NPHP4: variants seen among roughly 807,000 people sequenced by gnomAD.
The protein encoded by NPHP4 is nephrocystin-4.
Under a neutral mutation model 155.8 loss-of-function variants are expected in NPHP4, and 151 were observed. The observed-to-expected ratio is 0.97, with a 90% CI of 0.85 to 1.11. The LOEUF (loss-of-function observed/expected upper bound fraction) is 1.11, where lower values mean the gene tolerates loss of function less well. Ranked by LOEUF, NPHP4 falls within the 50% of genes least tolerant of loss-of-function variation. NPHP4 has a pLI of 0.00. For synonymous variants in NPHP4, 845 were observed against 816.8 expected (o/e 1.03, Z -0.59); for missense variants, 1,956 against 1,925.7 (o/e 1.02, Z -0.29).
intron 9 of NPHP4, among the ~76,000 whole-genome samples, chr1:5,939,288 A>G (rs941346884): frequency 6.6e-6 from 1 of 152,270 alleles, no homozygotes; most frequent in Non-Finnish European, 1.5e-5. Flanking sequence ...CACACAGGGT[A>G]ATAGGTTCAT....
chr1:5,870,849 C>T (rs1346255865), intron 23 of NPHP4, among the ~76,000 whole-genome samples: 1 of 152,234 alleles, frequency 6.6e-6, no homozygotes, highest in South Asian at 2.1e-4. Context: ...ACCGCCTGTG[C>T]ACTTCACAAC....
chr1:5,985,023 A>T (rs968336291), intron 2 of NPHP4, among the ~76,000 whole-genome samples: 1 of 152,228 alleles, frequency 6.6e-6, no homozygotes, highest in Non-Finnish European at 1.5e-5. Context: ...GAACACAGTG[A>T]AGTGCTAGAA....
At chr1:5,971,796 T>G (rs1046240292) in intron 3 of NPHP4, among the ~76,000 whole-genome samples, 2 of 150,998 alleles carry the variant, frequency 1.3e-5, no homozygotes, top group African/African-American at 5.0e-5. Flanking sequence ...ACTGCACTAT[T>G]AAAAGGTTAA....
In NPHP4 at chr1:5,982,664, C is replaced by G. The variant is rs892176420; in HGVS notation, c.135+3491G>C. Among the ~76,000 whole-genome samples, 4 of 152,324 alleles carry G rather than the reference C, an allele frequency of 2.6e-5. No individual in the cohort carries two copies. In the East Asian group the frequency reaches 7.7e-4, roughly 29 times the overall value. On this transcript the variant is annotated intron_variant, in intron 2 of 29. Coordinates refer to ENST00000378156, the MANE Select transcript of NPHP4 (RefSeq NM_015102.5). Reference sequence around the variant, plus strand: ...GACGTCACTGATTTTATACCTTCTTCTTTTCTAATATAGTCATGTAAAGCT... The same window carrying G: ...GACGTCACTGATTTTATACCTTCTTGTTTTCTAATATAGTCATGTAAAGCT...
chr1:5,893,378 A>G (rs1827500), intron 16 of NPHP4, among the ~76,000 whole-genome samples: 2,080 of 152,328 alleles, frequency 0.014, 53 homozygotes, highest in African/African-American at 0.046. Flanking sequence ...AAAGTGTGTG[A>G]GTCATCTCCA....
At position 5,863,911 on chromosome 1, in the gene NPHP4, C is replaced by T; in HGVS notation, c.4119G>A (p.Arg1373=). ...HLHSDHPELL[R]FREDSFQVGG... is the part of the protein sequence containing the mutation. Reference sequence around the variant, plus strand: ...ACACCTGGAAGGAGTCCTCTCTGAACCGCAGCAGCTCCGGGTGGTCGCTGT... The same window carrying T: ...ACACCTGGAAGGAGTCCTCTCTGAATCGCAGCAGCTCCGGGTGGTCGCTGT... Residue 1373 remains arginine, a synonymous_variant, in exon 29 of 30, where the codon CGG becomes CGA. Coordinates refer to ENST00000378156, the MANE Select transcript of NPHP4 (RefSeq NM_015102.5). 3 of 1,613,952 alleles carry T rather than the reference C, an allele frequency of 1.9e-6. No homozygotes were observed. The highest frequency in any genetic ancestry group is 1.7e-6 in the Non-Finnish European group (2 of 1,179,878).
At position 5,902,435 on chromosome 1, in the gene NPHP4, T is replaced by C. The variant is rs146881978; in HGVS notation, c.2143+2182A>G. 5.8e-3 allele frequency among the ~76,000 whole-genome samples: 889 copies of C among 152,318 alleles called. 11 individuals carry two copies. The highest frequency in any genetic ancestry group is 0.019 in the African/African-American group (793 of 41,572). ...CTCTTTATCATGAATAAATGCATGA[T>C]AAAGAAAGTGATATTTTCATCTCCG... On this transcript the variant is annotated intron_variant, in intron 16 of 29. Coordinates refer to ENST00000378156, the MANE Select transcript of NPHP4 (RefSeq NM_015102.5).
rs981572568 is a variant in NPHP4, at chr1:5,947,342, G to T, written c.993-112C>A. On this transcript the variant is annotated intron_variant, in intron 8 of 29. Coordinates refer to ENST00000378156, the MANE Select transcript of NPHP4 (RefSeq NM_015102.5). ...AGGGGACACCCTGGGGGACACAGGG[G>T]TGCTGCTGCAACAGCAAGTCCACCA... 22 of 1,130,296 alleles carry T rather than the reference G, an allele frequency of 1.9e-5. 1 individual carries two copies. Among genetic ancestry groups the T allele is most frequent in the Non-Finnish European group, 2.8e-5 (22 of 775,662 alleles). The allele number at this position is 1,130,296 out of a possible 1,614,324, so 70.0% of individuals were successfully genotyped here.
In NPHP4 at chr1:5,889,731, G is replaced by C. The variant is rs370865431; in HGVS notation, c.2304+1137C>G. On this transcript the variant is annotated intron_variant, in intron 17 of 29. Transcript: ENST00000378156. The surrounding 1 kb of genome is among the most constrained non-coding windows in gnomAD (Gnocchi z 4.2). ...GGACATCAAAGCCAGCATGGGAGACGGACAAGCAAGGGCCACGATGACCCT... is the reference window on the plus strand; with the variant it reads ...GGACATCAAAGCCAGCATGGGAGACCGACAAGCAAGGGCCACGATGACCCT... Among the ~76,000 whole-genome samples, 5 of 152,192 alleles carry C rather than the reference G, an allele frequency of 3.3e-5. No individual in the cohort carries two copies. Among genetic ancestry groups the C allele is most frequent in the African/African-American group, 1.2e-4 (5 of 41,442 alleles).
At chr1:5,921,984 G>A (rs7549324) in intron 11 of NPHP4, among the ~76,000 whole-genome samples, 61,229 of 152,138 alleles carry the variant, frequency 0.4, 12,920 homozygotes, top group East Asian at 0.75. Context: ...CAATGCCAAG[G>A]GACTAAGGTG....
In NPHP4 at chr1:5,889,585, C is replaced by T. The variant is rs1314433319; in HGVS notation, c.2304+1283G>A. Among the ~76,000 whole-genome samples, 1 of 152,146 alleles carries T rather than the reference C, an allele frequency of 6.6e-6. No individual in the cohort carries two copies. The highest frequency in any genetic ancestry group is 1.5e-5 in the Non-Finnish European group (1 of 68,012). ...CCACTGCCACCCCACACATGCCCAG[C>T]GGGACCCGGCTCTGCCTCCCACACC... On this transcript the variant is annotated intron_variant, in intron 17 of 29. Coordinates refer to ENST00000378156, the MANE Select transcript of NPHP4 (RefSeq NM_015102.5). The surrounding 1 kb of genome is among the most constrained non-coding windows in gnomAD (Gnocchi z 4.2).
At chr1:5,990,934 T>G (rs552063439) in intron 1 of NPHP4, among the ~76,000 whole-genome samples, 16 of 152,276 alleles carry the variant, frequency 1.1e-4, no homozygotes, top group Admixed American at 9.2e-4. Context: ...TGTGTTCCAG[T>G]GCATAAGAAG....
chr1:5,863,292 T>C lies in NPHP4; in HGVS notation c.4254A>G (p.Ala1418=), dbSNP rs1327022175. 10 of 1,613,918 alleles carry C rather than the reference T, an allele frequency of 6.2e-6. 1 individual carries two copies. In the Admixed American group the frequency reaches 1.5e-4, roughly 24 times the overall value. Residue 1418 remains alanine, a synonymous_variant, in exon 30 of 30, where the codon GCA becomes GCG. Transcript: ENST00000378156. ...ACTGGTAGATGACCTTCACGCAAAATGCCTCTTCGTTTTTGTCCTCATGGT... is the reference window on the plus strand; with the variant it reads ...ACTGGTAGATGACCTTCACGCAAAACGCCTCTTCGTTTTTGTCCTCATGGT... ...INDHEDKNEE[A]FCVKVIYQ is the part of the protein sequence containing the mutation.
At chr1:5,891,895 CCAGA>C (rs1644147573) in intron 16 of NPHP4, among the ~76,000 whole-genome samples, 2 of 152,182 alleles carry the variant, frequency 1.3e-5, no homozygotes, top group South Asian at 4.1e-4. Context: ...TTTCTCAAGA[CCAGA>C]GGACAAGGAG....
In NPHP4 at chr1:5,905,438, G is replaced by A; in HGVS notation, c.1809C>T (p.Ser603=). Residue 603 remains serine, a synonymous_variant, in exon 15 of 30, where the codon TCC becomes TCT. Coordinates refer to ENST00000378156, the MANE Select transcript of NPHP4 (RefSeq NM_015102.5). This position sits in a 1 kb window ranked among gnomAD's most constrained non-coding sequence, Gnocchi z 4.0. ...CATCCAGAATCTCGGGAAAGCCGGAGGACTGCAGGAGCACCATGGAGGCTC... is the reference window on the plus strand; with the variant it reads ...CATCCAGAATCTCGGGAAAGCCGGAAGACTGCAGGAGCACCATGGAGGCTC... ...PSRASMVLLQ[S]SGFPEILDAN... is the part of the protein sequence containing the mutation. The A allele has an allele frequency of 6.2e-7, 1 of 1,611,392 alleles. No individual in the cohort carries two copies. The highest frequency in any genetic ancestry group is 8.5e-7 in the Non-Finnish European group (1 of 1,177,728).
At chr1:5,931,548 A>G (rs1342424016) in intron 10 of NPHP4, among the ~76,000 whole-genome samples, 2 of 152,010 alleles carry the variant, frequency 1.3e-5, no homozygotes, top group Non-Finnish European at 2.9e-5. Context: ...AGCCTGGCCA[A>G]CATGATGAAA....
At position 5,867,148 on chromosome 1, in the gene NPHP4, T is replaced by C. The variant is rs1570060202; in HGVS notation, c.3473-33A>G. On this transcript the variant is annotated intron_variant, in intron 24 of 29. Transcript: ENST00000378156. The surrounding 1 kb of genome is among the most constrained non-coding windows in gnomAD (Gnocchi z 4.1). Reference sequence around the variant, plus strand: ...AGGGGAAATGTCAAAAAGAGTCTTCTCCACAGCCCCAGCCTGTGTGGAGAA... The same window carrying C: ...AGGGGAAATGTCAAAAAGAGTCTTCCCCACAGCCCCAGCCTGTGTGGAGAA... The C allele has an allele frequency of 1.3e-6, 2 of 1,531,066 alleles. No homozygotes were observed. The highest frequency in any genetic ancestry group is 1.8e-6 in the Non-Finnish European group (2 of 1,116,456). 94.8% of individuals were successfully genotyped at this position (1,531,066 alleles called of 1,614,324 possible).
rs1654707170 is a variant in NPHP4, at chr1:5,981,581, A to G, written c.136-3168T>C. On this transcript the variant is annotated intron_variant, in intron 2 of 29. Coordinates refer to ENST00000378156, the MANE Select transcript of NPHP4 (RefSeq NM_015102.5). ...ATATTCTTCAGCCAACACCTTTCAC[A>G]GGGAAGCAAGCTTTGGCCATTATCT... Among the ~76,000 whole-genome samples the G allele has an allele frequency of 2.0e-5, 3 of 152,254 alleles. No individual in the cohort carries two copies. In the South Asian group the frequency reaches 6.2e-4, roughly 31 times the overall value.
At chr1:5,956,788 C>T (rs543676140) in intron 6 of NPHP4, among the ~76,000 whole-genome samples, 18 of 152,302 alleles carry the variant, frequency 1.2e-4, no homozygotes, top group African/African-American at 3.6e-4. Context: ...ATGATGAAGA[C>T]GCTAGTGCTT....
Sources: allele counts gnomAD v4.1 joint callset (sites outside exome capture counted in the v4.1 genomes callset), GRCh38; gene constraint gnomAD v4.1.1; non-coding constraint Gnocchi (gnomAD v3.1); transcripts MANE v1.5; gene names NCBI Gene and HGNC (gene_info 2026-07-23, HGNC 2026-07-21).